The following ANO6 variants were observed in gnomAD, a reference collection of about 807,000 sequenced individuals.
ANO6 encodes the protein anoctamin 6, also known as anoctamin-6.
In ANO6, 106 loss-of-function variants were observed where a neutral mutation model predicts 117.5. The observed-to-expected ratio is 0.90, with a 90% CI of 0.77 to 1.06. ANO6 has a LOEUF of 1.06. Among genes scored for constraint, ANO6 ranks in the 50% least tolerant of loss-of-function variants. The pLI, the probability that ANO6 is intolerant of heterozygous loss-of-function variation, is 0.00. For missense variants in ANO6, 955 were observed against 1,121.1 expected, an observed-to-expected ratio of 0.85 and a Z score of 2.12; for synonymous variants, 367 against 385.1, an observed-to-expected ratio of 0.95 and a Z score of 0.55.
In ANO6 at chr12:45,331,420, A is replaced by G. The variant is rs140147341; in HGVS notation, c.276A>G (p.Gln92=). The change falls in exon 3 of 20, where the codon CAA becomes CAG. Residue 92 remains glutamine (Q), a synonymous_variant. Coordinates refer to ENST00000320560, the MANE Select transcript of ANO6 (RefSeq NM_001025356.3). ...ATAAAAAGGGTACAAATGAAAAACA[A>G]AGGGTAAGTTTTTATGCTATTTTCC... The part of the protein sequence containing the change: ...ETNKKGTNEK[Q]RRKRQAYESN... 317 of 1,603,258 alleles carry G rather than the reference A, an allele frequency of 2.0e-4. 4 individuals carry two copies. The African/African-American group carries it at 3.2e-3, about 16-fold the overall frequency.
chr12:45,291,722 C>T (rs939784379), intron 1 of ANO6, among the ~76,000 whole-genome samples: 2 of 151,854 alleles, frequency 1.3e-5, no homozygotes, highest in Admixed American at 6.6e-5. Context: ...CATCATTCAC[C>T]ATTAGGGAAG....
In ANO6 at chr12:45,439,931, TAA is replaced by T; in HGVS notation, c.2784_2785del (p.Ser929LeufsTer48). The T allele has an allele frequency of 2.0e-6, 3 of 1,477,080 alleles. No individual in the cohort carries two copies. The highest frequency in any genetic ancestry group is 3.0e-5 in the South Asian group (2 of 66,082). 91.5% of individuals were successfully genotyped at this position (1,477,080 alleles called of 1,614,324 possible). On this transcript the variant is annotated frameshift_variant, in exon 20 of 20. Coordinates refer to the ANO6 transcript ENST00000425752. LOFTEE classifies it high-confidence loss of function. The stretch of plus-strand genomic sequence containing the variant: ...CCGTGTTTTTCTGTATCGAATTTCT[TAA>T]GTTAGATTTATTCAATAATTCATTC...
chr12:45,402,086 G>A lies in ANO6; in HGVS notation c.1612+66G>A. The A allele has an allele frequency of 4.3e-6, 6 of 1,400,812 alleles. No individual in the cohort carries two copies. The South Asian group carries it at 7.1e-5, about 17-fold the overall frequency. 86.8% of individuals were successfully genotyped at this position (1,400,812 alleles called of 1,614,324 possible). On this transcript the variant is annotated intron_variant, in intron 13 of 19. Transcript: ENST00000320560. ...TTAGAACCTGCCAAAAATAGAGACT[G>A]TTATCTTTTAGGCGTTTCAATTCCA...
At chr12:45,356,836 C>T (rs73281512) in intron 7 of ANO6, among the ~76,000 whole-genome samples, 2,029 of 152,244 alleles carry the variant, frequency 0.013, 40 homozygotes, top group African/African-American at 0.047. Context: ...TTGTTTAAGG[C>T]TCAACTGTAT....
intron 2 of ANO6, among the ~76,000 whole-genome samples, chr12:45,307,347 C>A (rs188974045): frequency 1.0e-3 from 153 of 152,194 alleles, no homozygotes; most frequent in African/African-American, 1.9e-3. Context: ...GAGACATACT[C>A]AAATTCTGAA....
At chr12:45,384,224 C>A (rs1201619809) in intron 10 of ANO6, among the ~76,000 whole-genome samples, 3 of 152,190 alleles carry the variant, frequency 2.0e-5, no homozygotes, top group African/African-American at 7.2e-5. Flanking sequence ...TCTGGCCTTG[C>A]TCTGAATTAG....
At chr12:45,422,890 G>A in intron 18 of ANO6, 67 bp from the exon 19 acceptor site, 1 of 1,220,552 alleles carries the variant, frequency 8.2e-7, no homozygotes, top group Non-Finnish European at 1.2e-6. Flanking sequence ...CTTTTTAAAT[G>A]GGGCCTTTGT....
intron 8 of ANO6, among the ~76,000 whole-genome samples, chr12:45,367,051 A>C (rs12578601): frequency 0.08 from 12,231 of 152,142 alleles, 781 homozygotes; most frequent in African/African-American, 0.17. Context: ...GCATGATCTC[A>C]GTTCACTGCA....
At position 45,401,852 on chromosome 12, in the gene ANO6, A is replaced by G; in HGVS notation, c.1444A>G (p.Ile482Val). 1 of 1,613,920 alleles carries G rather than the reference A, an allele frequency of 6.2e-7. No individual in the cohort carries two copies. The highest frequency in any genetic ancestry group is 8.5e-7 in the Non-Finnish European group (1 of 1,179,980). ...GIIVYRLSVF[I>V]VFSAKLPKNI... ...CATTGTCTATAGGCTCTCGGTGTTCATTGTATTTTCTGCAAAACTTCCCAA... is the reference window on the plus strand; with the variant it reads ...CATTGTCTATAGGCTCTCGGTGTTCGTTGTATTTTCTGCAAAACTTCCCAA... The change falls in exon 13 of 20, where the codon ATT becomes GTT. Residue 482 changes from isoleucine to valine, a missense_variant. Transcript: ENST00000320560.
intron 2 of ANO6, among the ~76,000 whole-genome samples, chr12:45,320,509 T>A (rs1191242776): frequency 2.0e-5 from 3 of 152,320 alleles, no homozygotes; most frequent in Middle Eastern, 6.8e-3. Flanking sequence ...TCTGTTCTTT[T>A]ACATTTGCTG....
intron 4 of ANO6, 99 bp from the exon 5 acceptor site, chr12:45,347,929 G>GT (rs753761528): frequency 1.4e-4 from 167 of 1,201,840 alleles, no homozygotes; most frequent in Non-Finnish European, 1.8e-4. Flanking sequence ...TCTCTGTATT[G>GT]TTTTTTTAAA....
intron 12 of ANO6, among the ~76,000 whole-genome samples, chr12:45,396,660 G>C (rs913276431): frequency 3.3e-5 from 5 of 152,112 alleles, no homozygotes; most frequent in African/African-American, 1.2e-4. Flanking sequence ...GAACAGAACG[G>C]AGGCCTCAGA....
intron 10 of ANO6, among the ~76,000 whole-genome samples, chr12:45,387,115 T>C (rs994122019): frequency 1.3e-5 from 2 of 152,202 alleles, no homozygotes; most frequent in Admixed American, 1.3e-4. Flanking sequence ...ACTCAAAGAA[T>C]GTTTGTAAAT....
intron 16 of ANO6, among the ~76,000 whole-genome samples, chr12:45,415,410 T>A (rs1486902597): frequency 6.6e-6 from 1 of 152,226 alleles, no homozygotes. Flanking sequence ...CATGGAGCCC[T>A]CATTCCAACA....
At chr12:45,368,520 T>A (rs1941741745) in intron 9 of ANO6, among the ~76,000 whole-genome samples, 1 of 152,200 alleles carries the variant, frequency 6.6e-6, no homozygotes, top group South Asian at 2.1e-4. Context: ...CTAGCTCTCC[T>A]TATACATGCA....
Position 45,430,976 on chromosome 12 carries a change from T to G in ANO6, c.*1665T>G, listed in dbSNP as rs1943617935. ...CCCAGCAGCAAAGGAAAACTCAGAT[T>G]TTAGAGGCTTTTTACAATAAAGTAG... On this transcript the variant is annotated 3_prime_UTR_variant, in exon 20 of 20. Coordinates refer to ENST00000320560, the MANE Select transcript of ANO6 (RefSeq NM_001025356.3). 1 of 985,288 alleles carries G rather than the reference T, an allele frequency of 1.0e-6. No homozygotes were observed. Among genetic ancestry groups the G allele is most frequent in the African/African-American group, 1.7e-5 (1 of 57,210 alleles). 61.0% of individuals were successfully genotyped at this position (985,288 alleles called of 1,614,324 possible).
intron 1 of ANO6, among the ~76,000 whole-genome samples, chr12:45,281,756 T>C (rs890531366): frequency 1.3e-5 from 2 of 152,206 alleles, no homozygotes; most frequent in Non-Finnish European, 2.9e-5. Flanking sequence ...ATTACAGAAA[T>C]AACATCTGTT....
chr12:45,387,798 T>C (rs766398773), intron 10 of ANO6, among the ~76,000 whole-genome samples: 1 of 152,136 alleles, frequency 6.6e-6, no homozygotes, highest in Non-Finnish European at 1.5e-5. Flanking sequence ...TGGGAGGTGA[T>C]TGGATCATGG....
intron 10 of ANO6, among the ~76,000 whole-genome samples, chr12:45,381,345 C>G (rs1231613736): frequency 6.6e-6 from 1 of 152,228 alleles, no homozygotes; most frequent in African/African-American, 2.4e-5. Flanking sequence ...CAGCTAGCAC[C>G]TCTGGATTGC....
Sources: allele counts gnomAD v4.1 joint callset (sites outside exome capture counted in the v4.1 genomes callset), GRCh38; gene constraint gnomAD v4.1.1; transcripts MANE v1.5; gene names NCBI Gene and HGNC (gene_info 2026-07-23, HGNC 2026-07-21).